The following SLC4A1AP variants were observed in gnomAD, a reference collection of about 807,000 sequenced individuals.
SLC4A1AP encodes the protein solute carrier family 4 member 1 adaptor protein.
In SLC4A1AP, 64 loss-of-function variants were observed where a neutral mutation model predicts 89.7. The observed-to-expected ratio is 0.71, with a 90% confidence interval of 0.58 to 0.88. The LOEUF is 0.88. Ranked by LOEUF, SLC4A1AP falls within the 40% of genes least tolerant of loss-of-function variation. The pLI is 0.00. For missense variants in SLC4A1AP, 931 were observed against 965.0 expected, an observed-to-expected ratio of 0.96 and a Z score of 0.47; for synonymous variants, 366 against 353.3, an observed-to-expected ratio of 1.04 and a Z score of -0.40.
chr2:27,685,741 G>T (rs7592249), intron 10 of SLC4A1AP, among the ~76,000 whole-genome samples: 11,979 of 152,116 alleles, frequency 0.079, 1,405 homozygotes, highest in African/African-American at 0.26. Flanking sequence ...ATTCATTTTT[G>T]TGTGTTTGGA....
intron 3 of SLC4A1AP, among the ~76,000 whole-genome samples, chr2:27,667,634 G>A (rs13403865): frequency 0.057 from 8,615 of 152,084 alleles, 662 homozygotes; most frequent in African/African-American, 0.18. Context: ...AAAAAAGGAA[G>A]TACTTTTTCC....
chr2:27,685,103 G>A (rs374434070), exon 10 of SLC4A1AP: 1 of 1,613,896 alleles, frequency 6.2e-7, no homozygotes, highest in Non-Finnish European at 8.5e-7. Context: ...GCCTGAAGTA[G>A]AAGAGGAGGA....
rs561063728 is a variant in SLC4A1AP at position 27,693,510 on chromosome 2, G to T, written c.2272-175G>T. ...AAATTCCCTCAGCATGTGCTTGTCT[G>T]AAAAAGACTTTATTTCTCTTTCATT... On this transcript the variant is annotated intron_variant, in intron 12 of 13. Transcript: ENST00000613058. 5.2e-6 allele frequency: 3 copies of T among 578,952 alleles called. No homozygotes were observed. The East Asian group carries it at 8.9e-5, about 17-fold the overall frequency. 35.9% of individuals were successfully genotyped at this position (578,952 alleles called of 1,614,324 possible).
intron 8 of SLC4A1AP, among the ~76,000 whole-genome samples, chr2:27,678,828 C>T (rs1301961036): frequency 6.6e-6 from 1 of 151,466 alleles, no homozygotes; most frequent in Non-Finnish European, 1.5e-5. Context: ...AAGTGATCCT[C>T]CTGCCTCAGC....
In SLC4A1AP at chr2:27,685,159, G is replaced by A; in HGVS notation, c.1998G>A (p.Lys666=). The stretch of plus-strand genomic sequence containing the variant: ...AGAAAGAAAAGGAGGAGCATGAAAA[G>A]AAAAAACTGGAGGATGGAAGCCTCA... The change falls in exon 10 of 14, where the codon AAG becomes AAA. Residue 666 remains lysine (K), a synonymous_variant. Coordinates refer to ENST00000613058, the Ensembl canonical transcript of SLC4A1AP. 3 of 1,614,126 alleles carry A rather than the reference G, an allele frequency of 1.9e-6. No individual in the cohort carries two copies. In the South Asian group the frequency reaches 3.3e-5, roughly 18 times the overall value.
Position 27,683,640 on chromosome 2 carries a change from A to T in SLC4A1AP, c.1875+1281A>T, listed in dbSNP as rs185681460. 2.6e-5 allele frequency among the ~76,000 whole-genome samples: 4 copies of T among 152,310 alleles called. No homozygotes were observed. In the East Asian group the frequency reaches 7.7e-4, roughly 29 times the overall value. ...GGTACTGGGGCTTGGGACTTCAAACATGAATTTGGGCAGCAGGGGGCACAA... is the reference window on the plus strand; with the variant it reads ...GGTACTGGGGCTTGGGACTTCAAACTTGAATTTGGGCAGCAGGGGGCACAA... On this transcript the variant is annotated intron_variant, in intron 9 of 13. Coordinates refer to ENST00000613058, the Ensembl canonical transcript of SLC4A1AP.
intron 8 of SLC4A1AP, among the ~76,000 whole-genome samples, chr2:27,679,127 A>C (rs1475774791): frequency 2.0e-5 from 3 of 152,248 alleles, no homozygotes; most frequent in African/African-American, 7.2e-5. Context: ...AGGACAAATT[A>C]GTACATTCTC....
At chr2:27,668,482 C>T (rs1675369991) in intron 3 of SLC4A1AP, among the ~76,000 whole-genome samples, 1 of 152,220 alleles carries the variant, frequency 6.6e-6, no homozygotes, top group African/African-American at 2.4e-5. Flanking sequence ...CAGGGTCTCA[C>T]TCTGTCGCCC....
At chr2:27,668,880 T>C (rs1675377061) in exon 4 of SLC4A1AP, 2 of 1,614,184 alleles carry the variant, frequency 1.2e-6, no homozygotes, top group African/African-American at 2.7e-5. Flanking sequence ...AACAGGGACA[T>C]AGCACTTGGC....
chr2:27,682,294 A>G, exon 9 of SLC4A1AP: 1 of 1,613,986 alleles, frequency 6.2e-7, no homozygotes, highest in Non-Finnish European at 8.5e-7. Flanking sequence ...TAAAAAGCTT[A>G]CATTGCCTCT....
chr2:27,666,884 TGG>T (rs1675338124), intron 2 of SLC4A1AP, among the ~76,000 whole-genome samples: 11 of 118,166 alleles, frequency 9.3e-5, no homozygotes, highest in Admixed American at 6.2e-4. Flanking sequence ...TTTTTTTTTT[TGG>T]GAGACGGTCT....
chr2:27,688,202 CCTTT>C (rs1262315163), intron 11 of SLC4A1AP, among the ~76,000 whole-genome samples, 182 bp downstream of exon 11: 1 of 152,118 alleles, frequency 6.6e-6, no homozygotes, highest in Non-Finnish European at 1.5e-5. Flanking sequence ...ATCCCATTTG[CCTTT>C]CTTTTACTCC....
intron 1 of SLC4A1AP, among the ~76,000 whole-genome samples, chr2:27,664,796 GGT>G (rs1675277923): frequency 6.6e-6 from 1 of 152,190 alleles, no homozygotes; most frequent in Non-Finnish European, 1.5e-5. Context: ...GGCCAGGCGC[GGT>G]GGCTCGCGCC....
At chr2:27,676,958 G>C (rs1675534344) in intron 6 of SLC4A1AP, among the ~76,000 whole-genome samples, 1 of 151,958 alleles carries the variant, frequency 6.6e-6, no homozygotes, top group Admixed American at 6.6e-5. Context: ...GGCCAACATG[G>C]TGAAACCCTG....
intron 2 of SLC4A1AP, among the ~76,000 whole-genome samples, chr2:27,665,640 C>G (rs1278071502): frequency 6.6e-6 from 1 of 152,164 alleles, no homozygotes; most frequent in Non-Finnish European, 1.5e-5. Flanking sequence ...GGATGGAACT[C>G]TATTCAATCA....
rs570455965 is a variant in SLC4A1AP, at chr2:27,670,051, C to T, written c.1345+664C>T. 2.2e-4 allele frequency among the ~76,000 whole-genome samples: 33 copies of T among 152,062 alleles called. No individual in the cohort carries two copies. In the East Asian group the frequency reaches 5.6e-3, roughly 26 times the overall value. ...GCTCATTTTGTATTTTTAGTAGAGA[C>T]GGGGTTTCTCCATGTTGGTTAGGCT... On this transcript the variant is annotated intron_variant, in intron 5 of 13. Coordinates refer to ENST00000613058, the Ensembl canonical transcript of SLC4A1AP.
rs746341797 is a variant in SLC4A1AP, at chr2:27,693,774, T to C, written c.2341+20T>C. The C allele has an allele frequency of 1.4e-5, 23 of 1,586,566 alleles. No individual in the cohort carries two copies. Among genetic ancestry groups the C allele is most frequent in the Non-Finnish European group, 1.9e-5 (22 of 1,160,674 alleles). On this transcript the variant is annotated intron_variant, in intron 13 of 13. Transcript: ENST00000613058. ...CTGAAGGTAGATTGTTTTTACTTTTTTTTCCTCTAAGGTTCATTTATTTAT... is the reference window on the plus strand; with the variant it reads ...CTGAAGGTAGATTGTTTTTACTTTTCTTTCCTCTAAGGTTCATTTATTTAT...
At chr2:27,663,970 A>G (rs996187816) in exon 1 of SLC4A1AP, 1 of 1,614,116 alleles carries the variant, frequency 6.2e-7, no homozygotes, top group Non-Finnish European at 8.5e-7. Context: ...CTCAGTGGGG[A>G]CTTCAAGAAG....
chr2:27,687,913 A>T, intron 10 of SLC4A1AP, 21 bp from the exon 11 acceptor site: 2 of 1,580,470 alleles, frequency 1.3e-6, no homozygotes, highest in Non-Finnish European at 1.7e-6. Context: ...TGACAATATG[A>T]TTTGATATTG....
Sources: gnomAD v4.1 joint callset for allele counts (sites outside exome capture counted in the v4.1 genomes callset) on GRCh38, gnomAD v4.1.1 for gene constraint, MANE v1.5 for transcripts, NCBI Gene and HGNC (gene_info 2026-07-23, HGNC 2026-07-21) for gene names.